The following VPS53 variants were observed in gnomAD, a reference collection of about 807,000 sequenced individuals.
VPS53 encodes VPS53 subunit of GARP complex, also known as vacuolar protein sorting-associated protein 53 homolog.
Under a neutral mutation model 107.0 loss-of-function variants are expected in VPS53, and 70 were observed. That is an observed-to-expected ratio of 0.65 (90% CI 0.54 to 0.80). The LOEUF is 0.80. VPS53 is among the 30% of genes least tolerant of loss of function. The pLI, the probability that VPS53 is intolerant of heterozygous loss-of-function variation, is 0.00. For missense variants in VPS53, 917 were observed against 1,049.4 expected (o/e 0.87, Z 1.74); for synonymous variants, 409 against 393.3 (o/e 1.04, Z -0.47).
rs1967317083 is a variant in VPS53 at position 586,335 on chromosome 17, T to C, written c.1248A>G (p.Pro416=). 6.2e-7 allele frequency: 1 copy of C among 1,614,048 alleles called. No individual in the cohort carries two copies. The highest frequency in any genetic ancestry group is 1.3e-5 in the African/African-American group (1 of 75,028). ...AACACTTGGAAACAATGCCATGAAA[T>C]GGATTGTCTGGGGCTTTAGGCTTCT... The part of the protein sequence containing the change: ...QPKKPKAPDN[P]FHGIVSKCFE... Residue 416 remains proline (P), a synonymous_variant, in exon 13 of 22, where the codon CCA becomes CCG. Coordinates refer to ENST00000437048, the MANE Select transcript of VPS53 (RefSeq NM_001128159.3).
chr17:577,041 G>A (rs1373369998), intron 13 of VPS53, among the ~76,000 whole-genome samples: 1 of 139,884 alleles, frequency 7.1e-6, no homozygotes, highest in Non-Finnish European at 1.5e-5. Context: ...TCAGGATCTA[G>A]TGCGTTCCCA....
chr17:521,973 G>T (rs1448951197), intron 19 of VPS53, among the ~76,000 whole-genome samples: 2 of 152,178 alleles, frequency 1.3e-5, no homozygotes, highest in African/African-American at 4.8e-5. Flanking sequence ...AAATCAGGGG[G>T]CCAGGAGCCG....
intron 14 of VPS53, among the ~76,000 whole-genome samples, chr17:561,952 A>G (rs1913040935): frequency 6.6e-6 from 1 of 152,294 alleles, no homozygotes; most frequent in South Asian, 2.1e-4. Flanking sequence ...GGATAACACA[A>G]TAGTCCCCAT....
Position 628,095 on chromosome 17 carries a change from T to C in VPS53, c.824A>G (p.Asn275Ser), listed in dbSNP as rs1567688387. 6.2e-7 allele frequency: 1 copy of C among 1,610,642 alleles called. No individual in the cohort carries two copies. Among genetic ancestry groups the C allele is most frequent in the Non-Finnish European group, 8.5e-7 (1 of 1,179,010 alleles). Residue 275 changes from asparagine (N) to serine (S), a missense_variant, in exon 9 of 22, where the codon AAC (asparagine) becomes AGC (serine). Transcript: ENST00000437048. The stretch of plus-strand genomic sequence containing the variant: ...TATTTGGTCAATACTCACATCTTGG[T>C]TTTCTTGAAAAAGTACCAGATACTC... ...LSEYLVLFQE[N>S]QDVAWLDKID...
chr17:591,184 C>T (rs1452906636), intron 12 of VPS53, among the ~76,000 whole-genome samples: 1 of 152,166 alleles, frequency 6.6e-6, no homozygotes, highest in Non-Finnish European at 1.5e-5. Flanking sequence ...TTGTAGTATT[C>T]TCTGATGGTA....
chr17:566,629 G>A (rs1285253811), intron 13 of VPS53, among the ~76,000 whole-genome samples: 1 of 152,150 alleles, frequency 6.6e-6, no homozygotes, highest in Non-Finnish European at 1.5e-5. Context: ...TGGAACAGAA[G>A]GCAAAAGATT....
At position 591,881 on chromosome 17, in the gene VPS53, G is replaced by A. The variant is rs533096722; in HGVS notation, c.1219-5517C>T. Among the ~76,000 whole-genome samples, 254 of 152,288 alleles carry A rather than the reference G, an allele frequency of 1.7e-3. 1 individual carries two copies. Among genetic ancestry groups the A allele is most frequent in the African/African-American group, 5.6e-3 (234 of 41,548 alleles). ...TTGGGGTGGAGAGTTGATTTGGGGT[G>A]GAGAGTTCTGTAGATGTCTATTAGG... On this transcript the variant is annotated intron_variant, in intron 12 of 21. Transcript: ENST00000437048.
chr17:623,756 ATTC>A, intron 10 of VPS53, 82 bp from the exon 11 acceptor site: 1 of 1,404,094 alleles, frequency 7.1e-7, no homozygotes, highest in Non-Finnish European at 9.5e-7. Flanking sequence ...CTTAGCTTAT[ATTC>A]AGAAAAAAAA....
At chr17:670,485 T>C (rs915203671) in intron 4 of VPS53, among the ~76,000 whole-genome samples, 2 of 152,216 alleles carry the variant, frequency 1.3e-5, no homozygotes, top group African/African-American at 4.8e-5. Flanking sequence ...AGGTCACGTG[T>C]GGAAGATAAG....
chr17:588,398 A>G (rs1340556440), intron 12 of VPS53, among the ~76,000 whole-genome samples: 1 of 152,212 alleles, frequency 6.6e-6, no homozygotes, highest in Non-Finnish European at 1.5e-5. Context: ...TTTAATAAAT[A>G]CTGGAAGAGA....
At chr17:655,482 C>CT (rs1971151721) in intron 6 of VPS53, among the ~76,000 whole-genome samples, 1 of 151,818 alleles carries the variant, frequency 6.6e-6, no homozygotes, top group South Asian at 2.1e-4. Context: ...CCGCGTCACT[C>CT]TGTCTGCCTG....
At chr17:651,809 T>C (rs1261262000) in intron 7 of VPS53, among the ~76,000 whole-genome samples, 2 of 152,132 alleles carry the variant, frequency 1.3e-5, no homozygotes, top group African/African-American at 4.8e-5. Context: ...CTGCCCCTCC[T>C]TCTAACAGAA....
rs77602399 is a variant in VPS53 at position 660,110 on chromosome 17, C to T, written c.372+1699G>A. ...AACTGTTGCCCACGGGCTGCGAAAA[C>T]GGGTAGAGCATGAAATGGGAGGTTG... On this transcript the variant is annotated intron_variant, in intron 5 of 21. Coordinates refer to ENST00000437048, the MANE Select transcript of VPS53 (RefSeq NM_001128159.3). Among the ~76,000 whole-genome samples the T allele has an allele frequency of 2.3e-3, 346 of 152,244 alleles. 8 individuals are homozygous for T. The East Asian group carries it at 0.055, about 24-fold the overall frequency.
At chr17:654,206 C>T (rs1971082091) in intron 6 of VPS53, among the ~76,000 whole-genome samples, 1 of 151,814 alleles carries the variant, frequency 6.6e-6, no homozygotes, top group Non-Finnish European at 1.5e-5. Flanking sequence ...AAAACAAAAA[C>T]AAAAATACAC....
intron 4 of VPS53, chr17:674,410 G>A (rs895035970): frequency 2.0e-5 from 3 of 152,146 alleles, no homozygotes; most frequent in African/African-American, 7.2e-5. Flanking sequence ...ATCCTTTTGC[G>A]TGACATCTGG....
chr17:613,551 T>C (rs1384445600), intron 11 of VPS53, among the ~76,000 whole-genome samples: 4 of 141,718 alleles, frequency 2.8e-5, no homozygotes, highest in Admixed American at 7.2e-5. Flanking sequence ...TGAAAACCTG[T>C]ACAGATATTC....
In VPS53 at chr17:585,732, A is replaced by G. The variant is rs1967276675; in HGVS notation, c.1313+538T>C. Among the ~76,000 whole-genome samples the G allele has an allele frequency of 2.0e-5, 3 of 152,142 alleles. No homozygotes were observed. The South Asian group carries it at 6.2e-4, about 31-fold the overall frequency. On this transcript the variant is annotated intron_variant, in intron 13 of 21. Coordinates refer to ENST00000437048, the MANE Select transcript of VPS53 (RefSeq NM_001128159.3). ...TCAAAGAGATCTGACAACGAAATGC[A>G]TGATTATTGGGTCCTGGACCAGAAA... is the stretch of plus-strand genomic sequence containing the variant.
intron 13 of VPS53, among the ~76,000 whole-genome samples, chr17:563,735 C>G (rs1345621398): frequency 6.6e-6 from 1 of 152,184 alleles, no homozygotes; most frequent in Non-Finnish European, 1.5e-5. Flanking sequence ...AAAAACTAAG[C>G]AGCCTGGCTC....
chr17:683,716 A>G (rs1972484038), intron 4 of VPS53, among the ~76,000 whole-genome samples: 1 of 152,256 alleles, frequency 6.6e-6, no homozygotes, highest in South Asian at 2.1e-4. Context: ...AAAATAAAAT[A>G]GCTGGGTGTG....
Sources: gnomAD v4.1 joint callset for allele counts (sites outside exome capture counted in the v4.1 genomes callset) on GRCh38, gnomAD v4.1.1 for gene constraint, MANE v1.5 for transcripts, NCBI Gene and HGNC (gene_info 2026-07-23, HGNC 2026-07-21) for gene names.